TMPRSS9: variants seen among roughly 807,000 people sequenced by gnomAD.
The protein encoded by TMPRSS9 is transmembrane protease serine 9.
TMPRSS9 carries 113 observed loss-of-function variants against 111.4 expected under a neutral mutation model. That is an observed-to-expected ratio of 1.01 (90% CI 0.87 to 1.19). The LOEUF (loss-of-function observed/expected upper bound fraction) is 1.19. Ranked by LOEUF, TMPRSS9 falls within the 50% of genes most tolerant of loss-of-function variation. The probability of loss-of-function intolerance (pLI) is 0.00; values close to 1 mark genes in which losing one functional copy is unlikely to be tolerated. For missense variants in TMPRSS9, 1,803 were observed against 1,513.1 expected, an observed-to-expected ratio of 1.19 and a Z score of -3.18; for synonymous variants, 805 against 659.1, an observed-to-expected ratio of 1.22 and a Z score of -3.39.
intron 1 of TMPRSS9, among the ~76,000 whole-genome samples, chr19:2,370,037 T>C (rs1175560304): frequency 6.6e-6 from 1 of 151,902 alleles, no homozygotes; most frequent in Non-Finnish European, 1.5e-5. Context: ...GCGAAACCCC[T>C]TCTCTACTGA....
intron 7 of TMPRSS9, among the ~76,000 whole-genome samples, chr19:2,407,958 A>G (rs997331468): frequency 1.3e-5 from 2 of 151,472 alleles, no homozygotes; most frequent in East Asian, 3.9e-4. Flanking sequence ...TAATTTTTGT[A>G]TTTTTAGTAG....
intron 11 of TMPRSS9, among the ~76,000 whole-genome samples, chr19:2,416,067 C>G (rs971159891): frequency 2.6e-5 from 4 of 152,130 alleles, no homozygotes; most frequent in African/African-American, 9.7e-5. Context: ...TTGCTTGCTA[C>G]CCAGGCAGCG....
upstream of TMPRSS9, among the ~76,000 whole-genome samples, chr19:2,385,173 G>GGGGGGGGGCGGGGCTCGC (rs1568172942): frequency 1.7e-5 from 2 of 119,284 alleles, no homozygotes; most frequent in African/African-American, 1.0e-4. Context: ...CGGGGCTCGC[G>GGGGGGGGGCGGGGCTCGC]GGGGGCGGGG....
upstream of TMPRSS9, among the ~76,000 whole-genome samples, chr19:2,387,649 G>T (rs1187198922): frequency 6.6e-6 from 1 of 152,176 alleles, no homozygotes; most frequent in Non-Finnish European, 1.5e-5. Flanking sequence ...GGAGGCTGAG[G>T]TGGGAGGATC....
chr19:2,421,955 G>A lies in TMPRSS9; in HGVS notation c.2256G>A (p.Pro752=), dbSNP rs537200343. 29 of 1,613,176 alleles carry A rather than the reference G, an allele frequency of 1.8e-5. No homozygotes were observed. The Admixed American group carries it at 2.0e-4, about 11-fold the overall frequency. The change falls in exon 14 of 18, where the codon CCG becomes CCA. Residue 752 remains proline, a synonymous_variant. Transcript: ENST00000648592. The stretch of plus-strand genomic sequence containing the variant: ...TTGGCTGCGCTCAGGTTAAGAAGCC[G>A]GGCGTGTACACGCGCATCACCAGGC...
At chr19:2,393,071 G>T (rs567663884) in intron 1 of TMPRSS9, among the ~76,000 whole-genome samples, 1 of 152,132 alleles carries the variant, frequency 6.6e-6, no homozygotes, top group South Asian at 2.1e-4. Flanking sequence ...ACCAATCAGC[G>T]CTCTGTAAAA....
chr19:2,415,587 C>A, intron 10 of TMPRSS9, 83 bp from the exon 12 acceptor site: 1 of 1,300,252 alleles, frequency 7.7e-7, no homozygotes, highest in Non-Finnish European at 1.0e-6. Flanking sequence ...CTGGCTGCAA[C>A]CGGTGTCCTG....
chr19:2,379,623 T>TTCTTTCTTTC (rs1465914789), intron 1 of TMPRSS9, among the ~76,000 whole-genome samples: 1 of 130,150 alleles, frequency 7.7e-6, no homozygotes, highest in Non-Finnish European at 1.6e-5. Flanking sequence ...TTCTCTTTCT[T>TTCTTTCTTTC]TCTTTCTTTC....
chr19:2,425,532 A>T (rs1011463249), intron 17 of TMPRSS9, 39 bp downstream of exon 18: 1 of 1,497,762 alleles, frequency 6.7e-7, no homozygotes, highest in Admixed American at 2.3e-5. Flanking sequence ...GGTCCCGCCC[A>T]GCCGCCGGGG....
rs1971292349 is a variant in TMPRSS9 at position 2,418,068 on chromosome 19, TC to T, written c.2085del (p.Tyr696ThrfsTer9). 3.7e-6 allele frequency: 6 copies of T among 1,612,382 alleles called. No individual in the cohort carries two copies. In the East Asian group the frequency reaches 1.3e-4, roughly 36 times the overall value. Reference sequence around the variant, plus strand: ...ATAGACCAGAAAACCTGTAGTGTGCTCTACAACTTCTCCCTCACAGACCGCA... The same window carrying T: ...ATAGACCAGAAAACCTGTAGTGTGCTTACAACTTCTCCCTCACAGACCGCA... On this transcript the variant is annotated frameshift_variant, in exon 13 of 18. Transcript: ENST00000648592. LOFTEE classifies it high-confidence loss of function.
At chr19:2,399,124 C>T (rs773453462) in exon 4 of TMPRSS9, 26 of 1,613,274 alleles carry the variant, frequency 1.6e-5, no homozygotes, top group East Asian at 6.7e-5. Flanking sequence ...GCGAGGGATC[C>T]GGGCAAGGCT....
chr19:2,383,124 C>G (rs1229423394), intron 1 of TMPRSS9, among the ~76,000 whole-genome samples: 1 of 152,138 alleles, frequency 6.6e-6, no homozygotes, highest in African/African-American at 2.4e-5. Flanking sequence ...GAGGCCGAGG[C>G]AGGTGGATCA....
chr19:2,412,437 T>G (rs1196092816), intron 9 of TMPRSS9, among the ~76,000 whole-genome samples: 1 of 152,136 alleles, frequency 6.6e-6, no homozygotes. Context: ...TGTCGCTCAA[T>G]TCTTGCCGTG....
At position 2,369,265 on chromosome 19, in the gene TMPRSS9, A is replaced by T. The variant is rs1400194217; in HGVS notation, c.-26+8905A>T. ...CGGCCAAACCCAGGTTTTAAAAAAA[A>T]TTTTTTTGTACCTGGGTGAGTACGA... is the stretch of plus-strand genomic sequence containing the variant. On this transcript the variant is annotated intron_variant, in intron 1 of 17. Transcript: ENST00000649857. 4.6e-5 allele frequency among the ~76,000 whole-genome samples: 7 copies of T among 151,950 alleles called. No homozygotes were observed. The East Asian group carries it at 9.7e-4, about 21-fold the overall frequency.
exon 17 of TMPRSS9, chr19:2,425,429 C>T (rs762374452): frequency 6.9e-6 from 11 of 1,589,842 alleles, no homozygotes; most frequent in South Asian, 6.8e-5. Context: ...CGCTTCTACC[C>T]AGTGCAGATC....
intron 5 of TMPRSS9, 136 bp downstream of exon 6, chr19:2,402,152 G>T: frequency 1.6e-6 from 1 of 628,530 alleles, no homozygotes. Context: ...CAGCACTTCA[G>T]GAGGCTGAGG....
In TMPRSS9 at chr19:2,409,181, C is replaced by T. The variant is rs539243822; in HGVS notation, c.1117+551C>T. 2.2e-3 allele frequency among the ~76,000 whole-genome samples: 323 copies of T among 143,652 alleles called. 2 individuals carry two copies. The highest frequency in any genetic ancestry group is 3.0e-3 in the Non-Finnish European group (197 of 66,264). 94.2% of individuals were successfully genotyped at this position (143,652 alleles called of 152,430 possible). A position where few individuals can be genotyped will look rare whatever the true frequency, so the allele number is the denominator to read the frequency against. ...TTGAGATGGAGTTTTGCTCTTGTTG[C>T]CCAGGCTGGAGTGCAGTGGTGCGAT... is the stretch of plus-strand genomic sequence containing the variant. On this transcript the variant is annotated intron_variant, in intron 8 of 17. Transcript: ENST00000648592.
At chr19:2,391,362 G>GTTTTTTTT (rs372470176) in intron 1 of TMPRSS9, among the ~76,000 whole-genome samples, 1 of 142,738 alleles carries the variant, frequency 7.0e-6, no homozygotes. Context: ...ATCCTCCTAG[G>GTTTTTTTT]TTTTTTTTTT....
intron 1 of TMPRSS9, among the ~76,000 whole-genome samples, chr19:2,363,771 C>T (rs1448218684): frequency 4.4e-5 from 6 of 136,976 alleles, no homozygotes; most frequent in Non-Finnish European, 7.7e-5. Context: ...CACTAGAATT[C>T]CAAGAACTCT....
Sources: gnomAD v4.1 joint callset for allele counts (sites outside exome capture counted in the v4.1 genomes callset) on GRCh38, gnomAD v4.1.1 for gene constraint, MANE v1.5 for transcripts, NCBI Gene and HGNC (gene_info 2026-07-23, HGNC 2026-07-21) for gene names.